Variants in CTNNBL1 observed in about 807,000 individuals in gnomAD.
The protein encoded by CTNNBL1 is beta-catenin-like protein 1.
Under a neutral mutation model 72.7 loss-of-function variants are expected in CTNNBL1, and 31 were observed. That is an observed-to-expected ratio of 0.43 (90% confidence interval 0.32 to 0.58). The LOEUF (loss-of-function observed/expected upper bound fraction) is 0.58. Ranked by LOEUF, CTNNBL1 falls within the 20% of genes least tolerant of loss-of-function variation. The pLI is 0.08. For synonymous variants in CTNNBL1, 240 were observed against 267.3 expected (o/e 0.90, Z 1.00); for missense variants, 534 against 725.1 (o/e 0.74, Z 3.03).
chr20:37,746,482 A>G lies in CTNNBL1; in HGVS notation c.341A>G (p.Glu114Gly). 6.2e-7 allele frequency: 1 copy of G among 1,613,672 alleles called. No individual in the cohort carries two copies. The highest frequency in any genetic ancestry group is 8.5e-7 in the Non-Finnish European group (1 of 1,179,732). Residue 114 changes from glutamate (E) to glycine (G), a missense_variant, in exon 4 of 16, where the codon GAG (glutamate) becomes GGG (glycine). Glu to Gly is a moderately conservative substitution (Grantham distance 98). Transcript: ENST00000361383. ...PDNPEKFMESELDLNDIIQEM... is the reference protein window; with the variant it reads ...PDNPEKFMESGLDLNDIIQEM... ...TTCCCTCCTAGGTTCATGGAATCCG[A>G]GCTGGACCTAAATGACATCATTCAG...
intron 4 of CTNNBL1, among the ~76,000 whole-genome samples, chr20:37,754,282 C>CTTTTT (rs369597087): frequency 1.2e-4 from 13 of 111,830 alleles, no homozygotes; most frequent in South Asian, 2.9e-4. Context: ...TATTTATTTG[C>CTTTTT]TTTTTTTTTT....
chr20:37,718,407 G>T lies in CTNNBL1; in HGVS notation c.31-14472G>T, dbSNP rs537758897. ...TCCGGGACGGGGCGGCTGGCCGGGC[G>T]GGGGGCTGACCCCCCCACCTCCCTC... On this transcript the variant is annotated intron_variant, in intron 1 of 15. Transcript: ENST00000361383. 8.3e-3 allele frequency among the ~76,000 whole-genome samples: 1,169 copies of T among 140,914 alleles called. 23 individuals are homozygous for T. Among genetic ancestry groups the T allele is most frequent in the African/African-American group, 0.031 (1,115 of 36,156 alleles). 92.4% of individuals were successfully genotyped at this position (140,914 alleles called of 152,430 possible). A position where few individuals can be genotyped will look rare whatever the true frequency, so the allele number is the denominator to read the frequency against.
intron 3 of CTNNBL1, among the ~76,000 whole-genome samples, chr20:37,737,823 G>A (rs2073183492): frequency 6.6e-6 from 1 of 152,232 alleles, no homozygotes; most frequent in Non-Finnish European, 1.5e-5. Context: ...GCATCAACAT[G>A]TGTGCAGTGA....
chr20:37,764,461 T>A (rs529660498), intron 5 of CTNNBL1, among the ~76,000 whole-genome samples: 1 of 152,314 alleles, frequency 6.6e-6, no homozygotes, highest in African/African-American at 2.4e-5. Flanking sequence ...GGGTTTTGCC[T>A]TTGCCTCCAC....
intron 10 of CTNNBL1, 119 bp downstream of exon 10, chr20:37,779,454 GAAGAGTA>G: frequency 3.5e-6 from 4 of 1,142,978 alleles, no homozygotes; most frequent in Non-Finnish European, 5.1e-6. Context: ...ACTTTACCCT[GAAGAGTA>G]AAGTCTTCAG....
chr20:37,767,257 A>T (rs184220746), intron 6 of CTNNBL1, among the ~76,000 whole-genome samples: 3 of 151,612 alleles, frequency 2.0e-5, no homozygotes, highest in East Asian at 1.9e-4. Context: ...CTAGGTGATT[A>T]AAAAAAAAGA....
intron 7 of CTNNBL1, among the ~76,000 whole-genome samples, chr20:37,774,477 G>A (rs1349963460): frequency 6.6e-6 from 1 of 152,142 alleles, no homozygotes; most frequent in Non-Finnish European, 1.5e-5. Flanking sequence ...CATCATTTTG[G>A]TTTCCTGATT....
chr20:37,825,123 C>T (rs994674657), intron 11 of CTNNBL1, among the ~76,000 whole-genome samples: 2 of 152,032 alleles, frequency 1.3e-5, no homozygotes, highest in Non-Finnish European at 2.9e-5. Context: ...GAGACCAAGG[C>T]GGGCAGATCA....
intron 7 of CTNNBL1, among the ~76,000 whole-genome samples, chr20:37,770,412 C>T (rs185033340): frequency 3.4e-3 from 520 of 152,260 alleles, no homozygotes; most frequent in Middle Eastern, 0.01. Flanking sequence ...AGTAGCCACA[C>T]GTTAGGGACG....
At position 37,842,401 on chromosome 20, in the gene CTNNBL1, G is replaced by C. The variant is rs1299614233; in HGVS notation, c.1374G>C (p.Lys458Asn). The C allele has an allele frequency of 6.2e-7, 1 of 1,613,618 alleles. No individual in the cohort carries two copies. Among genetic ancestry groups the C allele is most frequent in the Non-Finnish European group, 8.5e-7 (1 of 1,179,472 alleles). Residue 458 changes from lysine (K) to asparagine (N), a missense_variant, in exon 13 of 16, where the codon AAG (lysine) becomes AAC (asparagine). Lys to Asn is a moderately conservative substitution (Grantham distance 94). Transcript: ENST00000361383. ...YLGAMQVADKKIEGEKHDMVR... is the reference protein window; with the variant it reads ...YLGAMQVADKNIEGEKHDMVR... ...GTGCAATGCAGGTGGCGGACAAGAAGATTGAAGGGGAAAAACACGTATGTA... is the reference window on the plus strand; with the variant it reads ...GTGCAATGCAGGTGGCGGACAAGAACATTGAAGGGGAAAAACACGTATGTA...
intron 1 of CTNNBL1, among the ~76,000 whole-genome samples, chr20:37,695,440 C>A (rs1301304114): frequency 6.6e-6 from 1 of 152,108 alleles, no homozygotes; most frequent in Non-Finnish European, 1.5e-5. Context: ...AGCAGTCTTC[C>A]CACTTGGCCT....
Position 37,694,128 on chromosome 20 carries a change from C to G in CTNNBL1, c.6C>G (p.Asp2Glu). 6.2e-7 allele frequency: 1 copy of G among 1,602,418 alleles called. No homozygotes were observed. Among genetic ancestry groups the G allele is most frequent in the South Asian group, 1.1e-5 (1 of 89,986 alleles). The change falls in exon 1 of 16, where the codon GAC becomes GAG. Residue 2 changes from aspartate to glutamate, a missense_variant. Coordinates refer to ENST00000361383, the MANE Select transcript of CTNNBL1 (RefSeq NM_030877.5). M[D>E]VGELLSYQPN... ...TATTTGCTGGGCCGGGTACCATGGA[C>G]GTGGGCGAACTTCTGAGCTACCAGG...
chr20:37,821,610 C>G (rs2072107963), intron 11 of CTNNBL1, among the ~76,000 whole-genome samples: 1 of 152,136 alleles, frequency 6.6e-6, no homozygotes, highest in African/African-American at 2.4e-5. Flanking sequence ...TTTATAAAAT[C>G]AATGACTGAT....
chr20:37,826,293 G>A (rs564198923), intron 11 of CTNNBL1, among the ~76,000 whole-genome samples: 115 of 152,288 alleles, frequency 7.6e-4, no homozygotes, highest in African/African-American at 2.6e-3. Context: ...TCCATAATGC[G>A]CTGGAATATT....
intron 11 of CTNNBL1, among the ~76,000 whole-genome samples, chr20:37,815,078 T>TGTGA: frequency 6.7e-6 from 1 of 148,820 alleles, no homozygotes; most frequent in South Asian, 2.1e-4. Flanking sequence ...ACTCTGTGAG[T>TGTGA]GTGTGTGTGT....
intron 4 of CTNNBL1, among the ~76,000 whole-genome samples, chr20:37,748,437 G>A (rs1331601011): frequency 1.3e-5 from 2 of 152,162 alleles, no homozygotes; most frequent in Non-Finnish European, 2.9e-5. Context: ...TGAGCTCAGT[G>A]TATGGTCTCA....
chr20:37,828,132 C>T (rs942424644), intron 11 of CTNNBL1, among the ~76,000 whole-genome samples: 1 of 152,184 alleles, frequency 6.6e-6, no homozygotes, highest in Non-Finnish European at 1.5e-5. Context: ...ATATCACATT[C>T]AGCATTCGTT....
intron 10 of CTNNBL1, among the ~76,000 whole-genome samples, chr20:37,788,841 A>T (rs936179085): frequency 6.6e-6 from 1 of 152,060 alleles, no homozygotes; most frequent in Non-Finnish European, 1.5e-5. Flanking sequence ...AAGCACTATT[A>T]CCTACTCGCC....
chr20:37,720,641 G>GT (rs2073032467), intron 1 of CTNNBL1, among the ~76,000 whole-genome samples: 1 of 152,244 alleles, frequency 6.6e-6, no homozygotes, highest in African/African-American at 2.4e-5. Flanking sequence ...AGGAGGGTCT[G>GT]TTGACAGCAG....
Sources: allele counts gnomAD v4.1 joint callset (sites outside exome capture counted in the v4.1 genomes callset), GRCh38; gene constraint gnomAD v4.1.1; transcripts MANE v1.5; gene names NCBI Gene and HGNC (gene_info 2026-07-23, HGNC 2026-07-21).